ANKS1B: variants seen among roughly 807,000 people sequenced by gnomAD.
ANKS1B encodes ankyrin repeat and sterile alpha motif domain containing 1B.
ANKS1B carries 36 observed loss-of-function variants against 148.3 expected under a neutral mutation model. The observed-to-expected ratio is 0.24, with a 90% CI of 0.19 to 0.32. The LOEUF (loss-of-function observed/expected upper bound fraction) is 0.32. Ranked by LOEUF, ANKS1B falls within the 10% of genes least tolerant of loss-of-function variation. The probability of loss-of-function intolerance (pLI) is 1.00; values close to 1 mark genes in which losing one functional copy is unlikely to be tolerated. For synonymous variants in ANKS1B, 542 were observed against 560.8 expected (o/e 0.97, Z 0.47); for missense variants, 1,157 against 1,542.6 (o/e 0.75, Z 4.19).
At chr12:99,091,488 T>C (rs1478079724) in intron 15 of ANKS1B, among the ~76,000 whole-genome samples, 1 of 152,188 alleles carries the variant, frequency 6.6e-6, no homozygotes. Context: ...ATACAGTAAT[T>C]TGTACTGCCT....
chr12:99,504,494 C>A lies in ANKS1B; in HGVS notation c.1420G>T (p.Ala474Ser). 1 of 1,611,952 alleles carries A rather than the reference C, an allele frequency of 6.2e-7. No homozygotes were observed. Among genetic ancestry groups the A allele is most frequent in the African/African-American group, 1.3e-5 (1 of 74,916 alleles). The change falls in exon 10 of 27, where the codon GCA becomes TCA. Residue 474 changes from alanine (A) to serine (S), a missense_variant. Coordinates refer to ENST00000683438, the MANE Select transcript of ANKS1B (RefSeq NM_001352186.2). ...ATATTACCAGTTCTTGGGGAAGGTG[C>A]CCTTGCAATTTCTAAGGAGCAAGGT... Reference protein sequence around the residue: ...KKPCSLEIARAPSPRTDNASE... With the variant: ...KKPCSLEIARSPSPRTDNASE...
intron 10 of ANKS1B, among the ~76,000 whole-genome samples, chr12:99,485,078 G>GT (rs1172077408): frequency 6.6e-6 from 1 of 151,560 alleles, no homozygotes; most frequent in Non-Finnish European, 1.5e-5. Context: ...TTTTTACTTA[G>GT]TTTTTTTCAT....
At position 99,096,103 on chromosome 12, in the gene ANKS1B, T is replaced by G. The variant is rs77232766; in HGVS notation, c.2527-11080A>C. 8.4e-4 allele frequency among the ~76,000 whole-genome samples: 128 copies of G among 152,300 alleles called. 4 individuals are homozygous for G. In the East Asian group the frequency reaches 0.022, roughly 26 times the overall value. The stretch of plus-strand genomic sequence containing the variant: ...ATTCTACAGGAAAAAATGTTACTCT[T>G]GAAATCCAAACACATTATAATCATA... On this transcript the variant is annotated intron_variant, in intron 15 of 26. Coordinates refer to ENST00000683438, the MANE Select transcript of ANKS1B (RefSeq NM_001352186.2).
chr12:99,894,980 T>C (rs1487181994), intron 1 of ANKS1B, among the ~76,000 whole-genome samples: 1 of 150,816 alleles, frequency 6.6e-6, no homozygotes, highest in Non-Finnish European at 1.5e-5. Context: ...TACAATGGGT[T>C]TATCAGGACA....
intron 14 of ANKS1B, among the ~76,000 whole-genome samples, chr12:99,192,361 T>C (rs1601564737): frequency 6.6e-6 from 1 of 152,170 alleles, no homozygotes; most frequent in Non-Finnish European, 1.5e-5. Context: ...ATGAGACATA[T>C]GGATTATCTA....
At chr12:99,350,337 G>T (rs1011089843) in intron 12 of ANKS1B, among the ~76,000 whole-genome samples, 1 of 151,918 alleles carries the variant, frequency 6.6e-6, no homozygotes, top group Admixed American at 6.6e-5. Flanking sequence ...ACAGGCTCAG[G>T]TATTTTTTTT....
At chr12:99,767,096 T>A (rs988811144) in intron 8 of ANKS1B, among the ~76,000 whole-genome samples, 55 of 151,878 alleles carry the variant, frequency 3.6e-4, no homozygotes, top group Middle Eastern at 3.4e-3. Context: ...AGCTTGGCAT[T>A]AAAAAAAACT....
chr12:99,494,666 G>A (rs2152977900), intron 10 of ANKS1B, among the ~76,000 whole-genome samples: 1 of 142,384 alleles, frequency 7.0e-6, no homozygotes, highest in African/African-American at 2.7e-5. Flanking sequence ...CTGGGAGGCG[G>A]AGCTTGTAGT....
intron 9 of ANKS1B, among the ~76,000 whole-genome samples, chr12:99,582,297 T>C (rs2097578254): frequency 6.6e-6 from 1 of 151,974 alleles, no homozygotes; most frequent in Non-Finnish European, 1.5e-5. Context: ...GCAGTTTCTT[T>C]TAAACATATA....
intron 1 of ANKS1B, among the ~76,000 whole-genome samples, chr12:99,827,007 T>C (rs2083281858): frequency 1.3e-5 from 2 of 152,112 alleles, no homozygotes; most frequent in South Asian, 4.2e-4. Context: ...TGGTCCCAGC[T>C]ACCCAGGAGG....
chr12:99,959,072 T>C (rs2095366870), intron 1 of ANKS1B, among the ~76,000 whole-genome samples: 1 of 105,904 alleles, frequency 9.4e-6, no homozygotes, highest in African/African-American at 3.9e-5. Flanking sequence ...TTTTTTTTTT[T>C]TGAGACAGAG....
At chr12:99,513,739 G>A (rs539287807) in intron 9 of ANKS1B, among the ~76,000 whole-genome samples, 122 of 152,004 alleles carry the variant, frequency 8.0e-4, no homozygotes, top group African/African-American at 2.9e-3. Flanking sequence ...CTCCACCCCA[G>A]CTACCGCATG....
At chr12:98,800,892 G>A in intron 21 of ANKS1B, 105 bp downstream of exon 21, 1 of 1,323,612 alleles carries the variant, frequency 7.6e-7, no homozygotes, top group East Asian at 2.5e-5. Context: ...AAATTTCAGT[G>A]ATGGATATGG....
chr12:98,988,177 C>T (rs542426042), intron 17 of ANKS1B, among the ~76,000 whole-genome samples: 67 of 152,266 alleles, frequency 4.4e-4, no homozygotes, highest in Middle Eastern at 3.4e-3. Flanking sequence ...ATAGTCACCA[C>T]GTTGTACAAG....
At chr12:99,306,322 C>A (rs958831904) in intron 12 of ANKS1B, among the ~76,000 whole-genome samples, 9 of 152,026 alleles carry the variant, frequency 5.9e-5, no homozygotes, top group Non-Finnish European at 1.0e-4. Context: ...AGACCCGATG[C>A]CATCAAATAC....
chr12:99,572,461 A>C (rs1388278930), intron 9 of ANKS1B, among the ~76,000 whole-genome samples: 3 of 152,078 alleles, frequency 2.0e-5, no homozygotes, highest in Non-Finnish European at 4.4e-5. Flanking sequence ...GAGGAACTTG[A>C]TAATTCAGAT....
At chr12:98,947,762 C>T (rs373405381) in intron 17 of ANKS1B, among the ~76,000 whole-genome samples, 12 of 152,288 alleles carry the variant, frequency 7.9e-5, no homozygotes, top group African/African-American at 2.6e-4. Flanking sequence ...TCTGCAGCAA[C>T]GCCATTGCCC....
intron 8 of ANKS1B, among the ~76,000 whole-genome samples, chr12:99,657,308 C>T (rs920175025): frequency 1.3e-5 from 2 of 152,174 alleles, no homozygotes; most frequent in African/African-American, 4.8e-5. Flanking sequence ...AACCTACTCT[C>T]CCCTCACCAC....
chr12:99,132,073 C>T (rs1041649307), intron 15 of ANKS1B, among the ~76,000 whole-genome samples: 20 of 152,162 alleles, frequency 1.3e-4, no homozygotes, highest in Admixed American at 1.3e-3. Context: ...AAGACTCCCC[C>T]TCCTTCCAGC....
Sources: allele counts gnomAD v4.1 joint callset (sites outside exome capture counted in the v4.1 genomes callset), GRCh38; gene constraint gnomAD v4.1.1; transcripts MANE v1.5; gene names NCBI Gene and HGNC (gene_info 2026-07-23, HGNC 2026-07-21).